ROS1: variants seen among roughly 807,000 people sequenced by gnomAD.
ROS1 encodes the protein ROS proto-oncogene 1, receptor tyrosine kinase.
Under a neutral mutation model 273.5 loss-of-function variants are expected in ROS1, and 263 were observed. The observed-to-expected ratio is 0.96, with a 90% CI of 0.87 to 1.06. ROS1 has a LOEUF of 1.06. Ranked by LOEUF, ROS1 falls within the 50% of genes least tolerant of loss-of-function variation. The probability of loss-of-function intolerance (pLI) is 0.00; values close to 1 mark genes in which losing one functional copy is unlikely to be tolerated. For synonymous variants in ROS1, 1,008 were observed against 954.1 expected, an observed-to-expected ratio of 1.06 and a Z score of -1.04; for missense variants, 2,833 against 2,751.1, an observed-to-expected ratio of 1.03 and a Z score of -0.67.
chr6:117,362,579 T>A, intron 22 of ROS1, 24 bp downstream of exon 22: 1 of 1,604,478 alleles, frequency 6.2e-7, no homozygotes, highest in East Asian at 2.2e-5. Context: ...AAGACTCTCA[T>A]ATCTTCTGTT....
chr6:117,288,395 T>C lies in ROS1; in HGVS notation c.*97A>G, dbSNP rs1222811711. On this transcript the variant is annotated 3_prime_UTR_variant, in exon 44 of 44. Coordinates refer to ENST00000368507, the MANE Select transcript of ROS1 (RefSeq NM_001378902.1). Reference sequence around the variant, plus strand: ...ACGTTGCATTGTTTATTTGGAGTTATAGACCACCATGACATTTATCATTCT... The same window carrying C: ...ACGTTGCATTGTTTATTTGGAGTTACAGACCACCATGACATTTATCATTCT... 3.6e-6 allele frequency: 4 copies of C among 1,100,730 alleles called. No individual in the cohort carries two copies. The highest frequency in any genetic ancestry group is 5.3e-6 in the Non-Finnish European group (4 of 761,596). The allele number at this position is 1,100,730 out of a possible 1,614,324, so 68.2% of individuals were successfully genotyped here. A position where few individuals can be genotyped will look rare whatever the true frequency, so the allele number is the denominator to read the frequency against.
intron 39 of ROS1, among the ~76,000 whole-genome samples, chr6:117,311,609 G>T (rs561578985): frequency 1.3e-5 from 2 of 152,178 alleles, no homozygotes; most frequent in South Asian, 4.1e-4. Context: ...AGTGCTAGCT[G>T]GTTTAATTAT....
Position 117,379,048 on chromosome 6 carries a change from A to T in ROS1, c.2582+11T>A. 1 of 1,536,108 alleles carries T rather than the reference A, an allele frequency of 6.5e-7. No individual in the cohort carries two copies. Among genetic ancestry groups the T allele is most frequent in the South Asian group, 1.2e-5 (1 of 85,708 alleles). On this transcript the variant is annotated intron_variant, in intron 18 of 43. Coordinates refer to ENST00000368507, the MANE Select transcript of ROS1 (RefSeq NM_001378902.1). ...CTTCTCAATCAATTGCCTTTGAGGG[A>T]CTCTACTTACCTCTGTCCCCGAAGA...
At chr6:117,411,678 G>A (rs776915236) in intron 4 of ROS1, among the ~76,000 whole-genome samples, 4 of 152,014 alleles carry the variant, frequency 2.6e-5, no homozygotes, top group Admixed American at 6.6e-5. Context: ...AGGAAGCCTC[G>A]CCCACTGCCC....
intron 35 of ROS1, among the ~76,000 whole-genome samples, 182 bp downstream of exon 35, chr6:117,324,150 A>G (rs1238099827): frequency 1.3e-5 from 2 of 152,214 alleles, no homozygotes; most frequent in Non-Finnish European, 2.9e-5. Flanking sequence ...TTATGCCTAG[A>G]TCAGAAAACA....
At position 117,310,103 on chromosome 6, in the gene ROS1, A is replaced by G. The variant is rs747208320; in HGVS notation, c.6394T>C (p.Phe2132Leu). The change falls in exon 41 of 44, where the codon TTC becomes CTC. Residue 2132 changes from phenylalanine (F) to leucine (L), a missense_variant. Coordinates refer to ENST00000368507, the MANE Select transcript of ROS1 (RefSeq NM_001378902.1). Reference protein sequence around the residue: ...MAPESLMDGIFTTQSDVWSFG... With the variant: ...MAPESLMDGILTTQSDVWSFG... Reference sequence around the variant, plus strand: ...TACCATACATCAGATTGAGTAGTGAAGATTCCATCCATCAAACTTTCTGGA... The same window carrying G: ...TACCATACATCAGATTGAGTAGTGAGGATTCCATCCATCAAACTTTCTGGA... 2.5e-6 allele frequency: 4 copies of G among 1,613,242 alleles called. No homozygotes were observed. The highest frequency in any genetic ancestry group is 2.5e-6 in the Non-Finnish European group (3 of 1,179,490).
rs1167061563 is a variant in ROS1, at chr6:117,425,924, G to C, written c.-268C>G. On this transcript the variant is annotated 5_prime_UTR_variant, in exon 1 of 44. Coordinates refer to ENST00000368507, the MANE Select transcript of ROS1 (RefSeq NM_001378902.1). ...CCCATAAAGTCACCCAGTGACTAAA[G>C]GTTAGTTCTTAGAAGTGCACTTCAC... is the stretch of plus-strand genomic sequence containing the variant. 2.5e-6 allele frequency: 1 copy of C among 395,604 alleles called. No homozygotes were observed. The highest frequency in any genetic ancestry group is 4.5e-6 in the Non-Finnish European group (1 of 219,974). The allele number at this position is 395,604 out of a possible 1,614,324, so 24.5% of individuals were successfully genotyped here.
In ROS1 at chr6:117,300,989, T is replaced by G; in HGVS notation, c.6700A>C (p.Asn2234His). The change falls in exon 43 of 44, where the codon AAT (asparagine) becomes CAT (histidine). Residue 2234 changes from asparagine (N) to histidine (H), a missense_variant. Coordinates refer to ENST00000368507, the MANE Select transcript of ROS1 (RefSeq NM_001378902.1). ...TCAAACTTACCTTCAAAGCTTTCAT[T>G]TATGACTCCACTGTTGTTTGCTTCA... ...RDEANNSGVI[N>H]ESFEGEDGDV... 1 of 1,570,110 alleles carries G rather than the reference T, an allele frequency of 6.4e-7. No individual in the cohort carries two copies. The highest frequency in any genetic ancestry group is 1.4e-5 in the African/African-American group (1 of 72,954).
chr6:117,332,922 C>T (rs547017156), intron 32 of ROS1, among the ~76,000 whole-genome samples: 1 of 152,018 alleles, frequency 6.6e-6, no homozygotes, highest in South Asian at 2.1e-4. Context: ...CCTAACATCA[C>T]AATTAAAAGA....
Position 117,342,557 on chromosome 6 carries a change from T to G in ROS1, c.4507-13A>C, listed in dbSNP as rs767391863. 3 of 1,445,578 alleles carry G rather than the reference T, an allele frequency of 2.1e-6. No individual in the cohort carries two copies. Among genetic ancestry groups the G allele is most frequent in the Non-Finnish European group, 2.8e-6 (3 of 1,074,106 alleles). 89.5% of individuals were successfully genotyped at this position (1,445,578 alleles called of 1,614,324 possible). A position where few individuals can be genotyped will look rare whatever the true frequency, so the allele number is the denominator to read the frequency against. ...TGTCCTGAAATTCCTGTAATTGATT[T>G]TTTAAAAATCAACATCTTATTTTTA... is the stretch of plus-strand genomic sequence containing the variant. On this transcript the variant is annotated splice_polypyrimidine_tract_variant and intron_variant, in intron 28 of 43. Transcript: ENST00000368507.
At chr6:117,301,370 T>G (rs1356947161) in intron 42 of ROS1, 1 of 362,928 alleles carries the variant, frequency 2.8e-6, no homozygotes, top group East Asian at 5.3e-5. Context: ...TTAACAGTTA[T>G]TATTCCAAAT....
intron 5 of ROS1, among the ~76,000 whole-genome samples, chr6:117,405,301 C>A (rs1774307889): frequency 6.6e-6 from 1 of 152,156 alleles, no homozygotes; most frequent in Non-Finnish European, 1.5e-5. Context: ...ACTCTGTAAT[C>A]CAGAAAAATC....
chr6:117,418,386 G>T (rs1775492463), intron 2 of ROS1, 76 bp downstream of exon 2: 1 of 1,015,480 alleles, frequency 9.8e-7, no homozygotes. Flanking sequence ...TTCTTACTGT[G>T]ATAAAATCTG....
chr6:117,357,447 T>A (rs1197766343), intron 25 of ROS1, among the ~76,000 whole-genome samples: 1 of 152,242 alleles, frequency 6.6e-6, no homozygotes, highest in African/African-American at 2.4e-5. Context: ...TAACTTTTAC[T>A]GTGCAAGGCA....
At position 117,365,588 on chromosome 6, in the gene ROS1, T is replaced by C. The variant is rs747041649; in HGVS notation, c.2951A>G (p.His984Arg). The C allele has an allele frequency of 1.4e-5, 22 of 1,612,902 alleles. No homozygotes were observed. The highest frequency in any genetic ancestry group is 1.7e-5 in the Non-Finnish European group (20 of 1,179,074). Residue 984 changes from histidine to arginine, a missense_variant, in exon 20 of 44, where the codon CAT becomes CGT. Transcript: ENST00000368507. Reference protein sequence around the residue: ...VVFYSVEFSAHSKFLASEQHS... With the variant: ...VVFYSVEFSARSKFLASEQHS... ...CTAGAACCAACACCATACCTTAGAA[T>C]GAGCACTAAATTCTACACTGTAGAA...
At position 117,365,355 on chromosome 6, in the gene ROS1, C is replaced by T. The variant is rs1780128264; in HGVS notation, c.2959-151G>A. 4 of 835,000 alleles carry T rather than the reference C, an allele frequency of 4.8e-6. No individual in the cohort carries two copies. In the South Asian group the frequency reaches 7.3e-5, roughly 15 times the overall value. 51.7% of individuals were successfully genotyped at this position (835,000 alleles called of 1,614,324 possible). On this transcript the variant is annotated intron_variant, in intron 20 of 43. Coordinates refer to ENST00000368507, the MANE Select transcript of ROS1 (RefSeq NM_001378902.1). ...TAATTTTGGCAAGTTCTGTGTTGTG[C>T]CACACAGACCAGTTAAAGTGTATCC...
At position 117,301,050 on chromosome 6, in the gene ROS1, T is replaced by C. The variant is rs2128536872; in HGVS notation, c.6639A>G (p.Arg2213=). 1 of 1,607,746 alleles carries C rather than the reference T, an allele frequency of 6.2e-7. No homozygotes were observed. Among genetic ancestry groups the C allele is most frequent in the African/African-American group, 1.3e-5 (1 of 74,936 alleles). ...HRIQDQLQLF[R]NFFLNSIYKS... ...TATAAATGCTATTTAAGAAAAAATTTCTGAATAACTGAAGTTGGTCCTGAA... is the reference window on the plus strand; with the variant it reads ...TATAAATGCTATTTAAGAAAAAATTCCTGAATAACTGAAGTTGGTCCTGAA... Residue 2213 remains arginine, a synonymous_variant, in exon 43 of 44, where the codon AGA becomes AGG. Coordinates refer to ENST00000368507, the MANE Select transcript of ROS1 (RefSeq NM_001378902.1).
intron 4 of ROS1, among the ~76,000 whole-genome samples, chr6:117,413,269 G>GTT (rs552733392): frequency 6.6e-6 from 1 of 152,052 alleles, no homozygotes; most frequent in African/African-American, 2.4e-5. Context: ...AGGTTTTAAA[G>GTT]TTTTTTTTCT....
Position 117,381,183 on chromosome 6 carries a change from GT to G in ROS1, c.2482-2025del, listed in dbSNP as rs752612391. Among the ~76,000 whole-genome samples the G allele has an allele frequency of 6.2e-3, 731 of 118,444 alleles. 4 individuals are homozygous for G. Among genetic ancestry groups the G allele is most frequent in the African/African-American group, 0.01 (336 of 32,810 alleles). 77.7% of individuals were successfully genotyped at this position (118,444 alleles called of 152,430 possible). A position where few individuals can be genotyped will look rare whatever the true frequency, so the allele number is the denominator to read the frequency against. Reference sequence around the variant, plus strand: ...CCTGGGAGAGGATTTGCAGAGGACTGTTTTTTTTTTTTTTTGGTTAATTTCC... The same window carrying G: ...CCTGGGAGAGGATTTGCAGAGGACTGTTTTTTTTTTTTTTGGTTAATTTCC... On this transcript the variant is annotated intron_variant, in intron 17 of 43. Transcript: ENST00000368507.
Sources: gnomAD v4.1 joint callset for allele counts (sites outside exome capture counted in the v4.1 genomes callset) on GRCh38, gnomAD v4.1.1 for gene constraint, MANE v1.5 for transcripts, NCBI Gene and HGNC (gene_info 2026-07-23, HGNC 2026-07-21) for gene names.